PRKN: variants seen among roughly 807,000 people sequenced by gnomAD.
PRKN encodes the protein parkin RBR E3 ubiquitin protein ligase.
Under a neutral mutation model 59.5 loss-of-function variants are expected in PRKN, and 56 were observed. The ratio of observed to expected loss-of-function variants is 0.94; its 90% CI spans 0.76 to 1.18. PRKN has a LOEUF of 1.18. PRKN is among the 50% of genes most tolerant of loss of function. The pLI is 0.00. For missense variants in PRKN, 657 were observed against 596.4 expected (o/e 1.10, Z -1.06); for synonymous variants, 250 against 222.1 (o/e 1.13, Z -1.12).
At position 161,407,666 on chromosome 6, in the gene PRKN, C is replaced by T. The variant is rs11962098; in HGVS notation, c.1084-20789G>A. Reference sequence around the variant, plus strand: ...ATAACCCCTGTGACCTGCACATATACGTCCAGATGGCCTGCAGGAGCCAAG... The same window carrying T: ...ATAACCCCTGTGACCTGCACATATATGTCCAGATGGCCTGCAGGAGCCAAG... On this transcript the variant is annotated intron_variant, in intron 9 of 11. Transcript: ENST00000366898. The surrounding 1 kb of genome is among the most constrained non-coding windows in gnomAD (Gnocchi z 4.9). Among the ~76,000 whole-genome samples, 1,935 of 152,238 alleles carry T rather than the reference C, an allele frequency of 0.013. 41 individuals are homozygous for T. The highest frequency in any genetic ancestry group is 0.044 in the African/African-American group (1,843 of 41,508).
intron 2 of PRKN, chr6:162,266,313 TG>T (rs1746991770): frequency 1.3e-5 from 2 of 152,032 alleles, no homozygotes; most frequent in African/African-American, 4.8e-5. Context: ...TGTGTGTGTG[TG>T]TGTGTGTGTG....
chr6:162,265,488 C>T (rs1340991719), intron 2 of PRKN, among the ~76,000 whole-genome samples: 1 of 152,176 alleles, frequency 6.6e-6, no homozygotes, highest in Non-Finnish European at 1.5e-5. Context: ...GTCAGGAGTT[C>T]AAGGCCAGCC....
intron 1 of PRKN, among the ~76,000 whole-genome samples, chr6:162,636,507 C>T (rs1777718263): frequency 6.6e-6 from 1 of 152,148 alleles, no homozygotes; most frequent in African/African-American, 2.4e-5. Context: ...TTGTTAAGGG[C>T]ATCTTAATGG....
chr6:162,356,197 C>T (rs1426786176), intron 2 of PRKN, among the ~76,000 whole-genome samples: 4 of 152,116 alleles, frequency 2.6e-5, no homozygotes, highest in East Asian at 1.9e-4. Flanking sequence ...AGCAGGATTA[C>T]GCTATTCAAT....
intron 1 of PRKN, among the ~76,000 whole-genome samples, chr6:162,713,320 C>T (rs1778606792): frequency 6.6e-6 from 1 of 151,934 alleles, no homozygotes; most frequent in African/African-American, 2.4e-5. Flanking sequence ...CAGTGAAACC[C>T]CGTCTCTATT....
chr6:162,124,242 G>A (rs938163181), intron 4 of PRKN, among the ~76,000 whole-genome samples: 1 of 152,156 alleles, frequency 6.6e-6, no homozygotes, highest in Admixed American at 6.5e-5. Flanking sequence ...GCTGGTGGGA[G>A]CTTCTTACTG....
Position 161,354,815 on chromosome 6 carries a change from G to T in PRKN, c.1286-4604C>A, listed in dbSNP as rs549525159. Among the ~76,000 whole-genome samples, 5 of 152,242 alleles carry T rather than the reference G, an allele frequency of 3.3e-5. No homozygotes were observed. The highest frequency in any genetic ancestry group is 7.2e-5 in the African/African-American group (3 of 41,540). On this transcript the variant is annotated intron_variant, in intron 11 of 11. Coordinates refer to ENST00000366898, the MANE Select transcript of PRKN (RefSeq NM_004562.3). The surrounding 1 kb of genome is among the most constrained non-coding windows in gnomAD (Gnocchi z 6.7). ...GCTTCAAGTCTCAGCTTTTCTGTTT[G>T]TAAGTTAAAAATTTGGAGGTAAAAA...
intron 3 of PRKN, among the ~76,000 whole-genome samples, chr6:162,248,897 TA>T (rs1230213715): frequency 1.3e-5 from 2 of 151,810 alleles, no homozygotes; most frequent in Non-Finnish European, 2.9e-5. Flanking sequence ...TTTTTTTTTT[TA>T]AGACAGAGTC....
chr6:162,650,539 A>C (rs1304915535), intron 1 of PRKN, among the ~76,000 whole-genome samples: 1 of 142,508 alleles, frequency 7.0e-6, no homozygotes, highest in Non-Finnish European at 1.5e-5. Flanking sequence ...CGGAGCTTGC[A>C]GTGAGCCGAG....
chr6:162,462,251 G>A (rs902457305), intron 1 of PRKN, among the ~76,000 whole-genome samples: 1 of 152,140 alleles, frequency 6.6e-6, no homozygotes, highest in Non-Finnish European at 1.5e-5. Flanking sequence ...AAAGGAAAAT[G>A]TCAAAATATC....
chr6:161,724,681 A>C (rs1404912503), intron 7 of PRKN, among the ~76,000 whole-genome samples: 1 of 152,200 alleles, frequency 6.6e-6, no homozygotes, highest in Non-Finnish European at 1.5e-5. Flanking sequence ...AGGGTGAAAA[A>C]TATGAACACA....
intron 6 of PRKN, among the ~76,000 whole-genome samples, chr6:161,786,415 AT>A (rs1277648149): frequency 1.3e-5 from 2 of 152,166 alleles, no homozygotes; most frequent in Non-Finnish European, 2.9e-5. Flanking sequence ...TCTTTAAAAC[AT>A]TTTAAATATT....
intron 1 of PRKN, among the ~76,000 whole-genome samples, chr6:162,625,347 T>C (rs7746652): frequency 6.6e-6 from 1 of 152,300 alleles, no homozygotes; most frequent in South Asian, 2.1e-4. Flanking sequence ...GTCTATCTAG[T>C]GTAGGTTTAT....
intron 6 of PRKN, among the ~76,000 whole-genome samples, chr6:161,852,428 G>A (rs764927477): frequency 5.9e-5 from 9 of 152,076 alleles, no homozygotes; most frequent in South Asian, 2.1e-4. Context: ...ACTCCAGCGC[G>A]GGTGACAAAG....
chr6:161,869,238 G>A lies in PRKN; in HGVS notation c.735-83330C>T, dbSNP rs1029997892. Among the ~76,000 whole-genome samples, 5 of 152,228 alleles carry A rather than the reference G, an allele frequency of 3.3e-5. No individual in the cohort carries two copies. In the East Asian group the frequency reaches 7.7e-4, roughly 24 times the overall value. ...TGCTAAAAGTACAAAAATCAGTTGA[G>A]CGTGGTGGCGTGCACCTGTAATCCC... On this transcript the variant is annotated intron_variant, in intron 6 of 11. Transcript: ENST00000366898.
chr6:162,565,705 C>CATAT (rs1780043235), intron 1 of PRKN, among the ~76,000 whole-genome samples: 2 of 71,768 alleles, frequency 2.8e-5, no homozygotes, highest in African/African-American at 1.5e-4. Context: ...TAAATACATA[C>CATAT]ATACATACAT....
In PRKN at chr6:161,900,623, CTATAA is replaced by C. The variant is rs894579205; in HGVS notation, c.734+72674_734+72678del. 3.0e-4 allele frequency among the ~76,000 whole-genome samples: 28 copies of C among 93,300 alleles called. No homozygotes were observed. In the Admixed American group the frequency reaches 3.4e-3, roughly 11 times the overall value. 61.2% of individuals were successfully genotyped at this position (93,300 alleles called of 152,430 possible). ...ATATATTAATATACTGTAGTATATA[CTATAA>C]TATACTATATATTATATATTATATA... On this transcript the variant is annotated intron_variant, in intron 6 of 11. Coordinates refer to ENST00000366898, the MANE Select transcript of PRKN (RefSeq NM_004562.3).
chr6:162,574,546 G>A (rs763565676), intron 1 of PRKN, among the ~76,000 whole-genome samples: 3 of 152,108 alleles, frequency 2.0e-5, no homozygotes, highest in Non-Finnish European at 2.9e-5. Context: ...GTCACTAGAA[G>A]CAATACTGCT....
At position 161,442,828 on chromosome 6, in the gene PRKN, G is replaced by C. The variant is rs777489702; in HGVS notation, c.1084-55951C>G. On this transcript the variant is annotated intron_variant, in intron 9 of 11. Transcript: ENST00000366898. This position sits in a 1 kb window ranked among gnomAD's most constrained non-coding sequence, Gnocchi z 4.6. ...TCTCTTCCCTTTCATTTTGGACATC[G>C]TAACAACTAAACATAACATTTATAT... is the stretch of plus-strand genomic sequence containing the variant. 6.6e-6 allele frequency among the ~76,000 whole-genome samples: 1 copy of C among 152,094 alleles called. No homozygotes were observed. The highest frequency in any genetic ancestry group is 1.5e-5 in the Non-Finnish European group (1 of 68,034).
Sources: gnomAD v4.1 joint callset for allele counts (sites outside exome capture counted in the v4.1 genomes callset) on GRCh38, gnomAD v4.1.1 for gene constraint, Gnocchi (gnomAD v3.1) non-coding constraint, MANE v1.5 for transcripts, NCBI Gene and HGNC (gene_info 2026-07-23, HGNC 2026-07-21) for gene names.